LARP1: variants seen among roughly 807,000 people sequenced by gnomAD.
LARP1 encodes la-related protein 1.
LARP1 carries 36 observed loss-of-function variants against 122.7 expected under a neutral mutation model. That is an observed-to-expected ratio of 0.29 (90% CI 0.22 to 0.39). The LOEUF (loss-of-function observed/expected upper bound fraction) is 0.39, where lower values mean the gene tolerates loss of function less well. Among genes scored for constraint, LARP1 ranks in the 10% least tolerant of loss-of-function variants. LARP1 has a pLI of 1.00. For synonymous variants in LARP1, 539 were observed against 528.7 expected (o/e 1.02, Z -0.27); for missense variants, 1,040 against 1,403.6 (o/e 0.74, Z 4.14).
At chr5:154,752,247 T>C (rs1209861144), upstream of LARP1, among the ~76,000 whole-genome samples, 1 of 152,190 alleles carries the variant, frequency 6.6e-6, no homozygotes, top group Non-Finnish European at 1.5e-5. Context: ...CTTTTTCTTT[T>C]CTTTTCTTTT....
chr5:154,768,889 C>T (rs1322012497), intron 1 of LARP1, among the ~76,000 whole-genome samples: 1 of 152,000 alleles, frequency 6.6e-6, no homozygotes, highest in Non-Finnish European at 1.5e-5. Flanking sequence ...CTGTATTTTA[C>T]TTTATTTTTT....
At chr5:154,794,302 G>GA in intron 7 of LARP1, 40 bp downstream of exon 7, 2 of 1,601,580 alleles carry the variant, frequency 1.2e-6, no homozygotes, top group South Asian at 2.2e-5. Context: ...AGAAATGAGT[G>GA]AGAGGTTAGG....
At chr5:154,794,331 G>A (rs1757578393) in intron 7 of LARP1, 69 bp downstream of exon 7, 1 of 1,511,964 alleles carries the variant, frequency 6.6e-7, no homozygotes, top group Non-Finnish European at 9.1e-7. Flanking sequence ...GAGTGTCATA[G>A]CTGGGCAGGC....
At chr5:154,809,656 G>A (rs1759090211) in intron 16 of LARP1, among the ~76,000 whole-genome samples, 1 of 149,120 alleles carries the variant, frequency 6.7e-6, no homozygotes, top group Non-Finnish European at 1.5e-5. Flanking sequence ...ATGTATTATT[G>A]TAAGCATTCT....
At chr5:154,727,711 A>G (rs1391895970) in intron 1 of LARP1, among the ~76,000 whole-genome samples, 1 of 152,242 alleles carries the variant, frequency 6.6e-6, no homozygotes, top group Admixed American at 6.5e-5. Flanking sequence ...TTATTCCACA[A>G]TGTATATATA....
chr5:154,715,748 T>C (rs1246988203), intron 1 of LARP1, among the ~76,000 whole-genome samples: 1 of 152,134 alleles, frequency 6.6e-6, no homozygotes, highest in African/African-American at 2.4e-5. Flanking sequence ...AAAAATAGAT[T>C]TGAAGTGAAT....
rs140487116 is a variant in LARP1, at chr5:154,756,846, T to G, written c.436+653T>G. Reference sequence around the variant, plus strand: ...TTTCCCTCCCCGATCCCGGGCACCTTCCGCCTTAAGAAGGAGCCCGATGGC... The same window carrying G: ...TTTCCCTCCCCGATCCCGGGCACCTGCCGCCTTAAGAAGGAGCCCGATGGC... On this transcript the variant is annotated intron_variant, in intron 1 of 18. Transcript: ENST00000518297. Among the ~76,000 whole-genome samples, 1,325 of 152,100 alleles carry G rather than the reference T, an allele frequency of 8.7e-3. 10 individuals are homozygous for G. Among genetic ancestry groups the G allele is most frequent in the Middle Eastern group, 0.028 (8 of 290 alleles).
At chr5:154,781,300 G>A (rs1224340744) in intron 1 of LARP1, among the ~76,000 whole-genome samples, 5 of 151,844 alleles carry the variant, frequency 3.3e-5, no homozygotes, top group Non-Finnish European at 7.4e-5. Context: ...GTTTAACTGG[G>A]AATCATCATC....
chr5:154,781,199 C>T (rs572084288), intron 1 of LARP1, among the ~76,000 whole-genome samples: 1 of 152,306 alleles, frequency 6.6e-6, no homozygotes, highest in South Asian at 2.1e-4. Context: ...TTGTGTGTGC[C>T]TAGCAACCTG....
intron 1 of LARP1, among the ~76,000 whole-genome samples, chr5:154,771,116 G>GA (rs572179099): frequency 0.18 from 19,334 of 107,812 alleles, 1,460 homozygotes; most frequent in African/African-American, 0.26. Flanking sequence ...TGTCTCAAAA[G>GA]AAAAAAAAAA....
intron 1 of LARP1, among the ~76,000 whole-genome samples, chr5:154,775,177 T>G (rs1582371519): frequency 6.6e-6 from 1 of 152,006 alleles, no homozygotes; most frequent in East Asian, 1.9e-4. Flanking sequence ...CCCAGCTAAT[T>G]TAGTCACAGC....
At chr5:154,796,204 T>TTTATATATTTATATA in intron 8 of LARP1, among the ~76,000 whole-genome samples, 1 of 136,670 alleles carries the variant, frequency 7.3e-6, no homozygotes, top group East Asian at 2.0e-4. Context: ...ATATATATAG[T>TTTATATATTTATATA]TTGTGAGAAT....
chr5:154,779,731 CTCCTGACCTCAGGTGA>C, intron 1 of LARP1, among the ~76,000 whole-genome samples: 1 of 152,224 alleles, frequency 6.6e-6, no homozygotes, highest in South Asian at 2.1e-4. Flanking sequence ...TGGTCTCGGA[CTCCTGACCTCAGGTGA>C]TCCGCCTGCC....
At chr5:154,783,314 C>T (rs1231524551) in intron 1 of LARP1, among the ~76,000 whole-genome samples, 1 of 152,162 alleles carries the variant, frequency 6.6e-6, no homozygotes, top group African/African-American at 2.4e-5. Context: ...GAGTTAGACT[C>T]AAACTGGGTG....
Position 154,803,346 on chromosome 5 carries a change from A to G in LARP1, c.2166A>G (p.Thr722=). The G allele has an allele frequency of 6.2e-7, 1 of 1,614,112 alleles. No homozygotes were observed. The part of the protein sequence containing the change: ...VNMISREQFD[T]LTPEPPVDPN... ...TGATCAGCCGGGAGCAGTTTGACACACTGACCCCTGAGCCCCCTGTGGATC... is the reference window on the plus strand; with the variant it reads ...TGATCAGCCGGGAGCAGTTTGACACGCTGACCCCTGAGCCCCCTGTGGATC... The change falls in exon 12 of 19, where the codon ACA becomes ACG. Residue 722 remains threonine (T), a synonymous_variant. Coordinates refer to ENST00000518297, the MANE Select transcript of LARP1 (RefSeq NM_033551.3). This position sits in a 1 kb window ranked among gnomAD's most constrained non-coding sequence, Gnocchi z 4.4.
chr5:154,696,990 A>T (rs1400963427), intron 1 of LARP1, among the ~76,000 whole-genome samples: 2 of 152,204 alleles, frequency 1.3e-5, no homozygotes, highest in African/African-American at 4.8e-5. Flanking sequence ...TAATGTAAAC[A>T]ATAGGGCAAA....
chr5:154,794,103 A>C lies in LARP1; in HGVS notation c.1073A>C (p.His358Pro), dbSNP rs764919267. 29 of 1,614,098 alleles carry C rather than the reference A, an allele frequency of 1.8e-5. No individual in the cohort carries two copies. In the Middle Eastern group the frequency reaches 8.3e-4, roughly 46 times the overall value. Residue 358 changes from histidine to proline, a missense_variant, in exon 7 of 19, where the codon CAT becomes CCT. This residue lies in a region of LARP1 where 178 missense variants were observed against 178.3 expected (regional missense o/e 1.00). Coordinates refer to ENST00000518297, the MANE Select transcript of LARP1 (RefSeq NM_033551.3). ...RGRGRGGTRT[H>P]FDYQFGYRKF... is the part of the protein sequence containing the mutation. ...ATGGCACCCGTTTCCCCCATAGCCC[A>C]TTTTGACTACCAGTTTGGCTACCGA...
In LARP1 at chr5:154,803,048, G is replaced by C. The variant is rs753355707; in HGVS notation, c.2110-242G>C. ...GTTCCTGAGGAGCTACTGTCAGCCT[G>C]ATCTCAGTCTTACTACAGGGAGGGC... On this transcript the variant is annotated intron_variant, in intron 11 of 18. Coordinates refer to ENST00000518297, the MANE Select transcript of LARP1 (RefSeq NM_033551.3). The surrounding 1 kb of genome is among the most constrained non-coding windows in gnomAD (Gnocchi z 4.4). 6.6e-6 allele frequency among the ~76,000 whole-genome samples: 1 copy of C among 152,234 alleles called. No individual in the cohort carries two copies. The highest frequency in any genetic ancestry group is 1.5e-5 in the Non-Finnish European group (1 of 68,048).
At chr5:154,722,885 T>C (rs1755967124) in intron 1 of LARP1, among the ~76,000 whole-genome samples, 2 of 152,190 alleles carry the variant, frequency 1.3e-5, no homozygotes, top group African/African-American at 4.8e-5. Flanking sequence ...TTTATCATGT[T>C]GGCCAGCCTG....
Sources: gnomAD v4.1 joint callset for allele counts (sites outside exome capture counted in the v4.1 genomes callset) on GRCh38, gnomAD v4.1.1 for gene constraint, gnomAD v4.1.1 regional missense constraint, Gnocchi (gnomAD v3.1) non-coding constraint, MANE v1.5 for transcripts, NCBI Gene and HGNC (gene_info 2026-07-23, HGNC 2026-07-21) for gene names.